MARCHF1: variants seen among roughly 807,000 people sequenced by gnomAD.
MARCHF1 encodes E3 ubiquitin-protein ligase MARCHF1.
A neutral mutation model predicts 54.2 loss-of-function variants in MARCHF1; 40 were observed. That is an observed-to-expected ratio of 0.74 (90% CI 0.57 to 0.96). The LOEUF (loss-of-function observed/expected upper bound fraction) is 0.96, where lower values mean the gene tolerates loss of function less well. Among genes scored for constraint, MARCHF1 ranks in the 40% least tolerant of loss-of-function variants. MARCHF1 has a pLI of 0.00. For missense variants in MARCHF1, 586 were observed against 656.5 expected (o/e 0.89, Z 1.17); for synonymous variants, 236 against 236.3 (o/e 1.00, Z 0.01).
At chr4:163,622,857 G>T (rs1279396261) in intron 5 of MARCHF1, among the ~76,000 whole-genome samples, 1 of 152,164 alleles carries the variant, frequency 6.6e-6, no homozygotes, top group Non-Finnish European at 1.5e-5. Context: ...GTGGCTTAGA[G>T]CAAGGCTAGG....
chr4:163,746,583 C>A (rs1274828224), intron 4 of MARCHF1, among the ~76,000 whole-genome samples: 1 of 152,150 alleles, frequency 6.6e-6, no homozygotes, highest in Non-Finnish European at 1.5e-5. Flanking sequence ...TAACAAACAG[C>A]CAAACTGACT....
At chr4:163,557,438 G>C (rs1739329118) in intron 8 of MARCHF1, among the ~76,000 whole-genome samples, 1 of 152,174 alleles carries the variant, frequency 6.6e-6, no homozygotes, top group Non-Finnish European at 1.5e-5. Flanking sequence ...TCAGTTCCAA[G>C]GATACCAGAA....
chr4:164,085,748 T>C (rs1251800211), intron 2 of MARCHF1, among the ~76,000 whole-genome samples: 1 of 151,892 alleles, frequency 6.6e-6, no homozygotes, highest in African/African-American at 2.4e-5. Flanking sequence ...ATCATTGTAA[T>C]GGTTTTTCAC....
At chr4:163,926,244 A>G (rs954036371) in intron 3 of MARCHF1, among the ~76,000 whole-genome samples, 3 of 151,722 alleles carry the variant, frequency 2.0e-5, no homozygotes, top group Non-Finnish European at 4.4e-5. Context: ...TATAAATGAA[A>G]TCATATATTA....
rs757476984 is a variant in MARCHF1 at position 163,528,716 on chromosome 4, T to G, written c.*32A>C. ...GTAGTGGCTGAGGGCTAGAAAGATA[T>G]TCTTCGGTGAAGAAACTCCCAACAG... On this transcript the variant is annotated 3_prime_UTR_variant, in exon 10 of 10. Transcript: ENST00000514618. The G allele has an allele frequency of 5.7e-6, 9 of 1,573,768 alleles. No individual in the cohort carries two copies. The East Asian group carries it at 1.6e-4, about 27-fold the overall frequency.
chr4:163,842,912 T>C (rs556038132), intron 4 of MARCHF1, among the ~76,000 whole-genome samples: 9 of 152,148 alleles, frequency 5.9e-5, no homozygotes, highest in South Asian at 2.1e-4. Context: ...GTGTGTTACA[T>C]GGGTAAATTG....
At chr4:164,292,143 G>A (rs1560990063) in intron 1 of MARCHF1, among the ~76,000 whole-genome samples, 2 of 152,002 alleles carry the variant, frequency 1.3e-5, no homozygotes, top group African/African-American at 4.8e-5. Flanking sequence ...CTTTTACACT[G>A]TGATTTCTTA....
At chr4:164,254,432 C>A (rs1733212135) in intron 1 of MARCHF1, among the ~76,000 whole-genome samples, 1 of 149,228 alleles carries the variant, frequency 6.7e-6, no homozygotes, top group East Asian at 1.9e-4. Context: ...ATATATGTAT[C>A]AATATATAAG....
chr4:164,028,741 A>G (rs918529101), intron 2 of MARCHF1, among the ~76,000 whole-genome samples: 2 of 152,126 alleles, frequency 1.3e-5, no homozygotes, highest in African/African-American at 4.8e-5. Flanking sequence ...TTGAAATGAA[A>G]ATAAAAAAAA....
At chr4:163,994,538 G>A (rs928878857) in intron 2 of MARCHF1, among the ~76,000 whole-genome samples, 1 of 151,644 alleles carries the variant, frequency 6.6e-6, no homozygotes, top group South Asian at 2.1e-4. Flanking sequence ...CCTGCATGTT[G>A]TGCACATGCA....
chr4:163,859,567 G>T (rs1039759292), intron 3 of MARCHF1, among the ~76,000 whole-genome samples: 2 of 151,966 alleles, frequency 1.3e-5, no homozygotes, highest in African/African-American at 4.8e-5. Context: ...CGCCATGTTG[G>T]CCAGGCTGGT....
intron 2 of MARCHF1, among the ~76,000 whole-genome samples, chr4:164,032,038 A>T (rs1436933979): frequency 6.6e-6 from 1 of 152,166 alleles, no homozygotes; most frequent in Non-Finnish European, 1.5e-5. Flanking sequence ...CAGGAATTCA[A>T]CTGCTTCCTT....
chr4:164,332,854 C>T (rs1371199784), intron 1 of MARCHF1, among the ~76,000 whole-genome samples: 2 of 151,880 alleles, frequency 1.3e-5, no homozygotes, highest in Non-Finnish European at 2.9e-5. Context: ...TATAAGCTGC[C>T]TATATACTTT....
chr4:164,232,210 A>C (rs1732432257), intron 1 of MARCHF1, among the ~76,000 whole-genome samples: 2 of 152,152 alleles, frequency 1.3e-5, no homozygotes, highest in South Asian at 2.1e-4. Context: ...CCATCACTTG[A>C]ATGCCAAACA....
At chr4:164,116,880 T>C (rs1414077165) in intron 1 of MARCHF1, among the ~76,000 whole-genome samples, 2 of 152,084 alleles carry the variant, frequency 1.3e-5, no homozygotes, top group African/African-American at 4.8e-5. Flanking sequence ...TAAGAAGACA[T>C]AATTGACTAT....
intron 5 of MARCHF1, among the ~76,000 whole-genome samples, chr4:163,677,254 T>A (rs1743949099): frequency 6.6e-6 from 1 of 152,222 alleles, no homozygotes; most frequent in Non-Finnish European, 1.5e-5. Flanking sequence ...GTCATTTCCC[T>A]ACGGAAATTC....
At chr4:163,814,785 G>GAAAC (rs1436284876) in intron 4 of MARCHF1, among the ~76,000 whole-genome samples, 1 of 152,056 alleles carries the variant, frequency 6.6e-6, no homozygotes, top group East Asian at 1.9e-4. Context: ...TCTTGTTTAA[G>GAAAC]AAACAACTAT....
At chr4:164,059,425 A>G (rs1007312462) in intron 2 of MARCHF1, among the ~76,000 whole-genome samples, 1 of 152,192 alleles carries the variant, frequency 6.6e-6, no homozygotes, top group African/African-American at 2.4e-5. Flanking sequence ...ATAAAGTTCT[A>G]GTCCTTTAAA....
intron 3 of MARCHF1, among the ~76,000 whole-genome samples, chr4:163,916,812 C>T (rs1751318227): frequency 6.6e-6 from 1 of 152,128 alleles, no homozygotes; most frequent in Non-Finnish European, 1.5e-5. Context: ...AAGAGTGCTA[C>T]ATCAATTTGT....
Sources: allele counts gnomAD v4.1 joint callset (sites outside exome capture counted in the v4.1 genomes callset), GRCh38; gene constraint gnomAD v4.1.1; transcripts MANE v1.5; gene names NCBI Gene and HGNC (gene_info 2026-07-23, HGNC 2026-07-21).